The following EPN2 variants were observed in gnomAD, a reference collection of about 807,000 sequenced individuals.
EPN2 encodes the protein epsin-2.
A neutral mutation model predicts 61.7 loss-of-function variants in EPN2; 34 were observed. That is an observed-to-expected ratio of 0.55 (90% CI 0.42 to 0.73). The LOEUF is 0.73. EPN2 is among the 30% of genes least tolerant of loss of function. The pLI is 0.00. For synonymous variants in EPN2, 349 were observed against 353.6 expected (o/e 0.99, Z 0.15); for missense variants, 714 against 839.2 (o/e 0.85, Z 1.84).
Position 19,335,255 on chromosome 17 carries a change from TA to T in EPN2, c.*1004del. 2 of 708,884 alleles carry T rather than the reference TA, an allele frequency of 2.8e-6. No homozygotes were observed. The highest frequency in any genetic ancestry group is 4.4e-6 in the Non-Finnish European group (2 of 455,432). 43.9% of individuals were successfully genotyped at this position (708,884 alleles called of 1,614,324 possible). ...TTAGCTCCTGTTTTTGGTGAATTAC[TA>T]AACTGATTGACTTTCAGCCTTTTTG... On this transcript the variant is annotated 3_prime_UTR_variant, in exon 11 of 11. Coordinates refer to ENST00000314728, the MANE Select transcript of EPN2 (RefSeq NM_014964.5).
intron 1 of EPN2, among the ~76,000 whole-genome samples, chr17:19,246,850 G>A (rs191534783): frequency 1.4e-5 from 2 of 147,952 alleles, no homozygotes; most frequent in Admixed American, 6.9e-5. Flanking sequence ...CTCACTGCAG[G>A]CTCCGCCCCC....
intron 1 of EPN2, among the ~76,000 whole-genome samples, chr17:19,269,728 T>C (rs2045235491): frequency 6.6e-6 from 1 of 152,016 alleles, no homozygotes; most frequent in Non-Finnish European, 1.5e-5. Context: ...TAGCACTGAA[T>C]GGCTCTGGGT....
chr17:19,327,762 C>G (rs1906951395), intron 7 of EPN2, among the ~76,000 whole-genome samples: 1 of 151,978 alleles, frequency 6.6e-6, no homozygotes, highest in Non-Finnish European at 1.5e-5. Flanking sequence ...GCACAACTAA[C>G]TAAAGGTATC....
intron 1 of EPN2, among the ~76,000 whole-genome samples, chr17:19,278,413 T>C (rs1397073536): frequency 6.6e-6 from 1 of 152,152 alleles, no homozygotes; most frequent in Non-Finnish European, 1.5e-5. Flanking sequence ...TGAAAGGCAC[T>C]TCTTACATGG....
intron 1 of EPN2, among the ~76,000 whole-genome samples, chr17:19,265,832 C>G (rs2045191862): frequency 6.6e-6 from 1 of 152,214 alleles, no homozygotes; most frequent in Non-Finnish European, 1.5e-5. Context: ...TGCCTCCTGC[C>G]TTCGTCTGGA....
At chr17:19,308,889 T>C (rs1278904141) in intron 4 of EPN2, among the ~76,000 whole-genome samples, 1 of 152,198 alleles carries the variant, frequency 6.6e-6, no homozygotes. Flanking sequence ...ATGTTAAGAC[T>C]CCCGTGGGGT....
chr17:19,286,711 T>G (rs1488855732), intron 4 of EPN2, among the ~76,000 whole-genome samples: 1 of 152,234 alleles, frequency 6.6e-6, no homozygotes, highest in East Asian at 1.9e-4. Flanking sequence ...CTTGTTTGAC[T>G]TGGGTATTTG....
intron 4 of EPN2, chr17:19,308,597 C>CTACA: frequency 1.0e-6 from 1 of 985,296 alleles, no homozygotes; most frequent in Non-Finnish European, 1.2e-6. Flanking sequence ...CGAGCTCTGA[C>CTACA]TACAAAAGAG....
At chr17:19,249,363 G>A (rs1279321155) in intron 1 of EPN2, 3 of 152,184 alleles carry the variant, frequency 2.0e-5, no homozygotes, top group Non-Finnish European at 4.4e-5. Context: ...ACTTTTTTCT[G>A]TTTGCAGTGA....
At chr17:19,258,175 A>T (rs2045102691) in intron 1 of EPN2, among the ~76,000 whole-genome samples, 1 of 152,166 alleles carries the variant, frequency 6.6e-6, no homozygotes, top group Admixed American at 6.5e-5. Context: ...TGATGCTGAG[A>T]CAGTGTGGAG....
intron 4 of EPN2, chr17:19,308,344 G>C (rs1211567512): frequency 1.0e-6 from 1 of 981,944 alleles, no homozygotes; most frequent in African/African-American, 1.7e-5. Flanking sequence ...AAAGTGCTAG[G>C]ATTACAGGCA....
At position 19,290,720 on chromosome 17, in the gene EPN2, A is replaced by AG. The variant is rs1555600086; in HGVS notation, c.766+4930_766+4931insG. On this transcript the variant is annotated intron_variant, in intron 4 of 10. Transcript: ENST00000314728. ...GTTCTCAAAAAAAAAAAAAAAGAAA[A>AG]AAAAAGAAAAAGGAAGGCAGGCAGA... Among the ~76,000 whole-genome samples, 20 of 105,574 alleles carry AG rather than the reference A, an allele frequency of 1.9e-4. 1 individual carries two copies. The highest frequency in any genetic ancestry group is 6.9e-3 in the Middle Eastern group (1 of 144). 69.3% of individuals were successfully genotyped at this position (105,574 alleles called of 152,430 possible). A position where few individuals can be genotyped will look rare whatever the true frequency, so the allele number is the denominator to read the frequency against.
intron 1 of EPN2, among the ~76,000 whole-genome samples, chr17:19,245,557 C>T (rs939312170): frequency 1.3e-5 from 2 of 152,088 alleles, no homozygotes; most frequent in African/African-American, 2.4e-5. Flanking sequence ...CTGCCTCAGC[C>T]TCCCGAGTAG....
At position 19,283,571 on chromosome 17, in the gene EPN2, AAG is replaced by A; in HGVS notation, c.455_456del (p.Glu152AlafsTer49). On this transcript the variant is annotated frameshift_variant, in exon 3 of 11. Coordinates refer to ENST00000314728, the MANE Select transcript of EPN2 (RefSeq NM_014964.5). LOFTEE classifies it high-confidence loss of function. The surrounding 1 kb of genome is among the most constrained non-coding windows in gnomAD (Gnocchi z 7.0). ...GAGAGGGCCCAGGCTCTCAAAACCA[AAG>A]AGCGCATGGCCCAGGTTGCCACTGG... The A allele has an allele frequency of 6.2e-7, 1 of 1,614,210 alleles. No homozygotes were observed. The highest frequency in any genetic ancestry group is 8.5e-7 in the Non-Finnish European group (1 of 1,180,040).
intron 6 of EPN2, 48 bp downstream of exon 6, chr17:19,312,192 T>C (rs1435783875): frequency 7.3e-7 from 1 of 1,374,544 alleles, no homozygotes; most frequent in Admixed American, 1.7e-5. Flanking sequence ...CCTGTAGTTG[T>C]TGCCTCAATA....
At chr17:19,267,974 A>G (rs1390022087) in intron 1 of EPN2, among the ~76,000 whole-genome samples, 2 of 152,212 alleles carry the variant, frequency 1.3e-5, no homozygotes, top group Non-Finnish European at 2.9e-5. Flanking sequence ...GAACAACTCA[A>G]TTTGGCAAGT....
chr17:19,307,924 C>G, intron 4 of EPN2: 1 of 985,354 alleles, frequency 1.0e-6, no homozygotes, highest in Non-Finnish European at 1.2e-6. Context: ...TTATTCCTAA[C>G]CTTTTAGTTT....
Position 19,332,065 on chromosome 17 carries a change from C to T in EPN2, c.1624C>T (p.Pro542Ser). The T allele has an allele frequency of 6.2e-7, 1 of 1,606,496 alleles. No individual in the cohort carries two copies. The highest frequency in any genetic ancestry group is 1.1e-5 in the South Asian group (1 of 91,042). ...PAQSLNPFLA[P>S]GAPATSAPVN... The stretch of plus-strand genomic sequence containing the variant: ...CCAGTCCCTCAACCCTTTCCTGGCA[C>T]CAGGTAGGCTCTCATCCCAGGCTTC... The change falls in exon 10 of 11, where the codon CCA becomes TCA. Residue 542 changes from proline (P) to serine (S), a missense_variant. Physicochemically the swap from Pro to Ser is moderately conservative, Grantham distance 74. Around this residue, in one of 2 missense-constraint regions of EPN2, gnomAD observed 410 missense variants for 421.8 expected, o/e 0.97. Transcript: ENST00000314728.
chr17:19,267,737 T>A (rs2045214575), intron 1 of EPN2, among the ~76,000 whole-genome samples: 1 of 152,068 alleles, frequency 6.6e-6, no homozygotes, highest in East Asian at 1.9e-4. Context: ...GAGATGGGGT[T>A]TCACCATGTT....
Sources: allele counts gnomAD v4.1 joint callset (sites outside exome capture counted in the v4.1 genomes callset), GRCh38; gene constraint gnomAD v4.1.1; regional missense constraint gnomAD v4.1.1; non-coding constraint Gnocchi (gnomAD v3.1); transcripts MANE v1.5; gene names NCBI Gene and HGNC (gene_info 2026-07-23, HGNC 2026-07-21).